The following NT5DC1 variants were observed in gnomAD, a reference collection of about 807,000 sequenced individuals.
The protein encoded by NT5DC1 is 5'-nucleotidase domain containing 1, also known as 5'-nucleotidase domain-containing protein 1.
A neutral mutation model predicts 59.4 loss-of-function variants in NT5DC1; 42 were observed. The observed-to-expected ratio is 0.71, with a 90% CI of 0.55 to 0.92. The LOEUF is 0.92. Among genes scored for constraint, NT5DC1 ranks in the 40% least tolerant of loss-of-function variants. NT5DC1 has a pLI of 0.00. For synonymous variants in NT5DC1, 172 were observed against 188.1 expected (o/e 0.91, Z 0.70); for missense variants, 501 against 537.1 (o/e 0.93, Z 0.66).
chr6:116,113,962 G>C lies in NT5DC1; in HGVS notation c.365-1729G>C, dbSNP rs1377688890. On this transcript the variant is annotated intron_variant, in intron 4 of 11. Coordinates refer to ENST00000319550, the MANE Select transcript of NT5DC1 (RefSeq NM_152729.3). Reference sequence around the variant, plus strand: ...TGAACCTTGGGAAGCTTTGCCCACTGTCCTAAGTCTTGGGAGTCCTGGAGT... The same window carrying C: ...TGAACCTTGGGAAGCTTTGCCCACTCTCCTAAGTCTTGGGAGTCCTGGAGT... 2.0e-5 allele frequency among the ~76,000 whole-genome samples: 3 copies of C among 152,188 alleles called. No individual in the cohort carries two copies. In the South Asian group the frequency reaches 6.2e-4, roughly 31 times the overall value.
At chr6:116,195,218 A>C (rs1276656752) in intron 6 of NT5DC1, among the ~76,000 whole-genome samples, 1 of 152,108 alleles carries the variant, frequency 6.6e-6, no homozygotes. Flanking sequence ...TAGGCATATG[A>C]TAGTAAGAGA....
At chr6:116,196,585 T>A (rs1448506609) in intron 6 of NT5DC1, among the ~76,000 whole-genome samples, 1 of 151,982 alleles carries the variant, frequency 6.6e-6, no homozygotes, top group Non-Finnish European at 1.5e-5. Flanking sequence ...TATCAAATTA[T>A]ATATAGTATA....
chr6:116,156,131 G>A (rs1780187242), intron 6 of NT5DC1, among the ~76,000 whole-genome samples: 1 of 152,042 alleles, frequency 6.6e-6, no homozygotes, highest in Non-Finnish European at 1.5e-5. Flanking sequence ...TTCTTTGAAA[G>A]CATATCTTCA....
intron 6 of NT5DC1, among the ~76,000 whole-genome samples, chr6:116,132,168 T>C (rs1473832188): frequency 2.0e-5 from 3 of 152,172 alleles, no homozygotes; most frequent in African/African-American, 7.2e-5. Context: ...TGAATGTCTT[T>C]GGGAGAGAGT....
intron 6 of NT5DC1, among the ~76,000 whole-genome samples, chr6:116,149,831 T>C (rs1191263805): frequency 6.6e-6 from 1 of 152,222 alleles, no homozygotes; most frequent in Non-Finnish European, 1.5e-5. Flanking sequence ...CTCCCTTCTT[T>C]AGAGGTGAGG....
At chr6:116,207,541 A>G (rs1781482710) in intron 6 of NT5DC1, among the ~76,000 whole-genome samples, 1 of 151,948 alleles carries the variant, frequency 6.6e-6, no homozygotes, top group Non-Finnish European at 1.5e-5. Flanking sequence ...ATGTTTGAAA[A>G]GTATATATGA....
intron 6 of NT5DC1, among the ~76,000 whole-genome samples, chr6:116,212,317 G>C (rs1351431133): frequency 6.6e-6 from 1 of 152,034 alleles, no homozygotes; most frequent in Non-Finnish European, 1.5e-5. Flanking sequence ...AAACAGAGTA[G>C]TGCCTCATTA....
intron 6 of NT5DC1, among the ~76,000 whole-genome samples, chr6:116,201,146 G>T (rs1781338418): frequency 6.6e-6 from 1 of 151,978 alleles, no homozygotes; most frequent in Non-Finnish European, 1.5e-5. Context: ...GAGATAAGGG[G>T]ATCCTTCAGA....
At chr6:116,229,552 G>C (rs745360604) in intron 8 of NT5DC1, among the ~76,000 whole-genome samples, 12 of 152,280 alleles carry the variant, frequency 7.9e-5, no homozygotes, top group Non-Finnish European at 1.5e-4. Context: ...GATGTATGGA[G>C]GGGAGAAGCG....
At chr6:116,241,534 C>G (rs949119089) in intron 11 of NT5DC1, among the ~76,000 whole-genome samples, 5 of 152,172 alleles carry the variant, frequency 3.3e-5, no homozygotes, top group Non-Finnish European at 7.3e-5. Flanking sequence ...TCAAAAATAA[C>G]TCTCAAGAGA....
In NT5DC1 at chr6:116,106,309, T is replaced by C; in HGVS notation, c.159T>C (p.Asn53=). The change falls in exon 2 of 12, where the codon AAT becomes AAC. Residue 53 remains asparagine (N), a synonymous_variant. Transcript: ENST00000319550. ...AAGGGTACGATAAGGAATTGCTCAA[T>C]GTGACCCCAGAGGATTGGGATTTCT... is the stretch of plus-strand genomic sequence containing the variant. ...KEKGYDKELL[N]VTPEDWDFCC... 6.4e-7 allele frequency: 1 copy of C among 1,557,580 alleles called. No individual in the cohort carries two copies. Among genetic ancestry groups the C allele is most frequent in the South Asian group, 1.1e-5 (1 of 89,906 alleles).
chr6:116,121,958 A>G lies in NT5DC1; in HGVS notation c.529+4013A>G, dbSNP rs200692352. Reference sequence around the variant, plus strand: ...AGTACCTTGCTCTCCTCTTACTGCTATACCTAAAAGACACACCCAACACAC... The same window carrying G: ...AGTACCTTGCTCTCCTCTTACTGCTGTACCTAAAAGACACACCCAACACAC... On this transcript the variant is annotated intron_variant, in intron 6 of 11. Transcript: ENST00000319550. 9 of 1,611,664 alleles carry G rather than the reference A, an allele frequency of 5.6e-6. No homozygotes were observed. In the Admixed American group the frequency reaches 6.7e-5, roughly 12 times the overall value.
intron 6 of NT5DC1, among the ~76,000 whole-genome samples, chr6:116,199,318 T>C (rs959738984): frequency 6.6e-6 from 1 of 152,076 alleles, no homozygotes. Flanking sequence ...TCTTTGATGC[T>C]GTGTTCTCAT....
intron 6 of NT5DC1, among the ~76,000 whole-genome samples, chr6:116,124,396 T>A (rs1779230313): frequency 6.6e-6 from 1 of 152,170 alleles, no homozygotes; most frequent in South Asian, 2.1e-4. Flanking sequence ...TTAGTGAATA[T>A]GAGGCCTAGA....
At chr6:116,178,054 TGTGTG>T (rs1337119734) in intron 6 of NT5DC1, among the ~76,000 whole-genome samples, 1 of 59,488 alleles carries the variant, frequency 1.7e-5, no homozygotes, top group Middle Eastern at 7.1e-3. Context: ...AAGAGGAAAG[TGTGTG>T]TGTGTGTGTG....
rs1200424940 is a variant in NT5DC1, at chr6:116,245,062, G to C, written c.*1038G>C. On this transcript the variant is annotated 3_prime_UTR_variant, in exon 12 of 12. Transcript: ENST00000319550. ...TTAATGTAATTTGAATTTAATTTCT[G>C]TAATTGGGAAGGAGGGTAATAATGA... 6.6e-6 allele frequency: 1 copy of C among 152,106 alleles called. No homozygotes were observed. The allele number at this position is 152,106 out of a possible 1,614,324, so 9.4% of individuals were successfully genotyped here.
intron 6 of NT5DC1, among the ~76,000 whole-genome samples, chr6:116,202,630 G>A (rs990902454): frequency 2.0e-5 from 3 of 151,960 alleles, no homozygotes; most frequent in Non-Finnish European, 2.9e-5. Context: ...TATTTACAGA[G>A]TCATATGAAA....
intron 6 of NT5DC1, chr6:116,121,008 C>G (rs756365636): frequency 1.3e-5 from 21 of 1,613,806 alleles, no homozygotes; most frequent in Middle Eastern, 3.3e-4. Context: ...GGGTATCCTG[C>G]AGGCCCAGCT....
At chr6:116,152,600 CA>C (rs1780073394) in intron 6 of NT5DC1, among the ~76,000 whole-genome samples, 2 of 152,082 alleles carry the variant, frequency 1.3e-5, no homozygotes, top group Admixed American at 6.6e-5. Context: ...CTTTCTTTAC[CA>C]GGTCTTTATT....
Sources: gnomAD v4.1 joint callset for allele counts (sites outside exome capture counted in the v4.1 genomes callset) on GRCh38, gnomAD v4.1.1 for gene constraint, MANE v1.5 for transcripts, NCBI Gene and HGNC (gene_info 2026-07-23, HGNC 2026-07-21) for gene names.